RBMS3: variants seen among roughly 807,000 people sequenced by gnomAD.
RBMS3 encodes RNA-binding motif, single-stranded-interacting protein 3.
A neutral mutation model predicts 66.8 loss-of-function variants in RBMS3; 27 were observed. The observed-to-expected ratio is 0.40, with a 90% CI of 0.30 to 0.56. The LOEUF is 0.56. Among genes scored for constraint, RBMS3 ranks in the 20% least tolerant of loss-of-function variants. The pLI is 0.40. For synonymous variants in RBMS3, 188 were observed against 183.0 expected (o/e 1.03, Z -0.22); for missense variants, 513 against 549.5 (o/e 0.93, Z 0.66).
intron 12 of RBMS3, among the ~76,000 whole-genome samples, chr3:29,965,005 T>C (rs542013155): frequency 6.6e-6 from 1 of 152,300 alleles, no homozygotes; most frequent in African/African-American, 2.4e-5. Flanking sequence ...TCACTTAGAA[T>C]AATAGTCTCC....
rs752958705 is a variant in RBMS3, at chr3:29,508,720, C to T, written c.307+20221C>T. ...AATCCTTTCGGTATATACCCAGTTA[C>T]GGGATTACTGGGTCAAATGGTATTT... On this transcript the variant is annotated intron_variant, in intron 3 of 14. Transcript: ENST00000383767. Among the ~76,000 whole-genome samples the T allele has an allele frequency of 8.0e-4, 121 of 151,750 alleles. 1 individual carries two copies. The highest frequency in any genetic ancestry group is 1.5e-3 in the African/African-American group (61 of 41,412).
At chr3:29,316,810 G>T (rs980390465) in intron 1 of RBMS3, among the ~76,000 whole-genome samples, 1 of 151,670 alleles carries the variant, frequency 6.6e-6, no homozygotes, top group African/African-American at 2.4e-5. Context: ...TGTAAGTGGT[G>T]ATGTGGCTTA....
Position 29,494,828 on chromosome 3 carries a change from A to G in RBMS3, c.307+6329A>G, listed in dbSNP as rs190660267. ...ACCACCATCATATTTCCGACAGGCT[A>G]TATGTTTAGAGTAGAGGGAATGAGT... On this transcript the variant is annotated intron_variant, in intron 3 of 14. Coordinates refer to ENST00000383767, the MANE Select transcript of RBMS3 (RefSeq NM_001003793.3). 3.8e-4 allele frequency among the ~76,000 whole-genome samples: 58 copies of G among 152,098 alleles called. 1 individual carries two copies. Among genetic ancestry groups the G allele is most frequent in the Non-Finnish European group, 5.9e-5 (4 of 67,952 alleles).
intron 5 of RBMS3, among the ~76,000 whole-genome samples, chr3:29,743,936 C>T (rs1228931049): frequency 2.1e-5 from 3 of 139,602 alleles, no homozygotes; most frequent in Non-Finnish European, 4.6e-5. Context: ...TGATGTTCCC[C>T]TTCCTGTGTC....
At chr3:29,770,885 G>A (rs988105696) in intron 6 of RBMS3, among the ~76,000 whole-genome samples, 2 of 151,916 alleles carry the variant, frequency 1.3e-5, no homozygotes, top group South Asian at 2.1e-4. Context: ...CATTTAATAG[G>A]ATTGATTTAA....
chr3:29,811,344 G>A (rs148768986), intron 6 of RBMS3, among the ~76,000 whole-genome samples: 62 of 152,274 alleles, frequency 4.1e-4, no homozygotes, highest in African/African-American at 1.4e-3. Context: ...AGCCCACACG[G>A]CCTCTGGCAG....
rs149534979 is a variant in RBMS3 at position 29,468,645 on chromosome 3, T to A, written c.249-19796T>A. ...ACATGGTTTTATTTGTACTGTTAAA[T>A]ATTTATTGCTTGGATTATTTCATAC... On this transcript the variant is annotated intron_variant, in intron 2 of 14. Transcript: ENST00000383767. 3.7e-3 allele frequency among the ~76,000 whole-genome samples: 562 copies of A among 152,308 alleles called. 3 individuals carry two copies. The highest frequency in any genetic ancestry group is 0.013 in the African/African-American group (539 of 41,580).
At chr3:29,312,121 G>T (rs1032648832) in intron 1 of RBMS3, among the ~76,000 whole-genome samples, 5 of 151,766 alleles carry the variant, frequency 3.3e-5, no homozygotes, top group African/African-American at 4.8e-5. Flanking sequence ...CAGGACAACT[G>T]TTTAAATTTC....
At chr3:29,889,672 C>A (rs889069072) in intron 8 of RBMS3, among the ~76,000 whole-genome samples, 35 of 151,610 alleles carry the variant, frequency 2.3e-4, no homozygotes, top group African/African-American at 8.0e-4. Context: ...GACAATTAGT[C>A]TTTTTTATTG....
chr3:29,931,566 G>GA (rs1420710093), intron 10 of RBMS3, among the ~76,000 whole-genome samples: 1 of 152,160 alleles, frequency 6.6e-6, no homozygotes, highest in East Asian at 1.9e-4. Flanking sequence ...CTAAGAATTA[G>GA]AGACATTTCT....
At chr3:29,694,244 A>G (rs1295290729) in intron 4 of RBMS3, among the ~76,000 whole-genome samples, 1 of 152,098 alleles carries the variant, frequency 6.6e-6, no homozygotes, top group Non-Finnish European at 1.5e-5. Flanking sequence ...TTGATAGATT[A>G]TGTCATCTTT....
At chr3:29,666,482 A>C (rs2050765278) in intron 4 of RBMS3, among the ~76,000 whole-genome samples, 1 of 152,150 alleles carries the variant, frequency 6.6e-6, no homozygotes, top group Non-Finnish European at 1.5e-5. Flanking sequence ...CAGGGCTTTC[A>C]GACTTTTTCT....
At chr3:29,985,145 C>G (rs1451824544) in intron 12 of RBMS3, among the ~76,000 whole-genome samples, 1 of 152,102 alleles carries the variant, frequency 6.6e-6, no homozygotes, top group Non-Finnish European at 1.5e-5. Context: ...GCTTTGCCAC[C>G]CAGTTTGAAC....
chr3:29,394,676 C>A (rs911524815), intron 1 of RBMS3, among the ~76,000 whole-genome samples: 3 of 152,130 alleles, frequency 2.0e-5, no homozygotes, highest in African/African-American at 7.2e-5. Flanking sequence ...TCAGCCGGTA[C>A]CTCCTTTCTT....
intron 1 of RBMS3, among the ~76,000 whole-genome samples, chr3:29,373,338 C>T (rs2038304530): frequency 6.6e-6 from 1 of 152,182 alleles, no homozygotes; most frequent in Non-Finnish European, 1.5e-5. Context: ...ATAATCCTCC[C>T]CCTAAAAGAA....
chr3:29,960,509 T>C (rs1390408563), intron 12 of RBMS3, among the ~76,000 whole-genome samples: 1 of 152,092 alleles, frequency 6.6e-6, no homozygotes, highest in Non-Finnish European at 1.5e-5. Context: ...TTTTCACAGC[T>C]CCAGTAGGCA....
intron 1 of RBMS3, among the ~76,000 whole-genome samples, chr3:29,399,141 C>T (rs1232879296): frequency 2.0e-5 from 3 of 152,082 alleles, no homozygotes; most frequent in Non-Finnish European, 4.4e-5. Context: ...AACTTCCTTT[C>T]GTAAATTGCA....
intron 2 of RBMS3, among the ~76,000 whole-genome samples, chr3:29,481,854 A>C (rs2043139757): frequency 6.6e-6 from 1 of 152,206 alleles, no homozygotes; most frequent in African/African-American, 2.4e-5. Flanking sequence ...ATAGGTAATA[A>C]GGGAGGGTTT....
chr3:29,495,477 G>A (rs2043711999), intron 3 of RBMS3, among the ~76,000 whole-genome samples: 1 of 143,590 alleles, frequency 7.0e-6, no homozygotes, highest in Non-Finnish European at 1.5e-5. Flanking sequence ...CTGGAGTGCA[G>A]TGGTGCGATC....
Sources: gnomAD v4.1 joint callset for allele counts (sites outside exome capture counted in the v4.1 genomes callset) on GRCh38, gnomAD v4.1.1 for gene constraint, MANE v1.5 for transcripts, NCBI Gene and HGNC (gene_info 2026-07-23, HGNC 2026-07-21) for gene names.